The following TVP23C variants were observed in gnomAD, a reference collection of about 807,000 sequenced individuals.
The protein encoded by TVP23C is trans-golgi network vesicle protein 23 homolog C, also known as Golgi apparatus membrane protein TVP23 homolog C.
TVP23C carries 19 observed loss-of-function variants against 28.7 expected under a neutral mutation model. The observed-to-expected ratio is 0.66, with a 90% CI of 0.46 to 0.97. TVP23C has a LOEUF of 0.97. Among genes scored for constraint, TVP23C ranks in the 50% least tolerant of loss-of-function variants. The pLI is 0.00. For missense variants in TVP23C, 186 were observed against 241.3 expected, an observed-to-expected ratio of 0.77 and a Z score of 1.52; for synonymous variants, 68 against 81.7, an observed-to-expected ratio of 0.83 and a Z score of 0.90.
intron 4 of TVP23C, 24 bp from the exon 5 acceptor site, chr17:15,545,940 T>A (rs775443091): frequency 2.9e-5 from 46 of 1,590,144 alleles, no homozygotes; most frequent in Non-Finnish European, 3.7e-5. Flanking sequence ...TAAATTCAAT[T>A]ATCATGTTGT....
chr17:15,531,098 T>A, intron 5 of TVP23C: 1 of 152,248 alleles, frequency 6.6e-6, no homozygotes, highest in Non-Finnish European at 1.5e-5. Flanking sequence ...TGTTAAGTTT[T>A]TTTCTTTTAG....
At position 15,503,272 on chromosome 17, in the gene TVP23C, T is replaced by C. The variant is rs1307140833; in HGVS notation, c.463-40A>G. 4.1e-6 allele frequency: 6 copies of C among 1,448,420 alleles called. No homozygotes were observed. In the Admixed American group the frequency reaches 1.1e-4, roughly 26 times the overall value. The allele number at this position is 1,448,420 out of a possible 1,614,324, so 89.7% of individuals were successfully genotyped here. On this transcript the variant is annotated intron_variant, in intron 5 of 5. Coordinates refer to the TVP23C transcript ENST00000225576. ...ATAAAAATAAATTAGCCAGGTGTAG[T>C]GGCGCGCCTGTGGTTCCAGCTACTT... is the stretch of plus-strand genomic sequence containing the variant.
chr17:15,558,448 G>A (rs1984228118), intron 1 of TVP23C, among the ~76,000 whole-genome samples: 2 of 146,186 alleles, frequency 1.4e-5, no homozygotes, highest in South Asian at 2.3e-4. Context: ...CTGTGAATAT[G>A]TAAATTTACT....
chr17:15,549,900 T>C (rs1478967646), intron 3 of TVP23C, among the ~76,000 whole-genome samples: 1 of 151,444 alleles, frequency 6.6e-6, no homozygotes, highest in Non-Finnish European at 1.5e-5. Context: ...AGACCAAAAT[T>C]CCTATGGGAG....
intron 5 of TVP23C, among the ~76,000 whole-genome samples, chr17:15,529,379 G>A (rs1441313826): frequency 6.6e-6 from 1 of 152,048 alleles, no homozygotes; most frequent in Non-Finnish European, 1.5e-5. Flanking sequence ...TTGAACCTGG[G>A]AGCTGGGGGT....
At chr17:15,504,752 T>A (rs1283278159) in intron 5 of TVP23C, among the ~76,000 whole-genome samples, 3 of 152,088 alleles carry the variant, frequency 2.0e-5, no homozygotes, top group Non-Finnish European at 4.4e-5. Flanking sequence ...CCCAGCTTGG[T>A]CTCAAACCCC....
At chr17:15,558,906 C>T (rs140643299) in intron 1 of TVP23C, among the ~76,000 whole-genome samples, 1 of 147,312 alleles carries the variant, frequency 6.8e-6, no homozygotes, top group South Asian at 2.2e-4. Context: ...GGCTCTCGCC[C>T]AGGCTGGAGT....
At chr17:15,532,794 T>C (rs974496368), downstream of TVP23C, among the ~76,000 whole-genome samples, 1 of 152,234 alleles carries the variant, frequency 6.6e-6, no homozygotes, top group African/African-American at 2.4e-5. Flanking sequence ...AAGCAGCATC[T>C]ATAGGATTTC....
chr17:15,531,784 C>T (rs1597522968), intron 5 of TVP23C, among the ~76,000 whole-genome samples: 1 of 152,070 alleles, frequency 6.6e-6, no homozygotes, highest in Non-Finnish European at 1.5e-5. Context: ...TAAGTTTTTT[C>T]CCCCATATAT....
intron 5 of TVP23C, chr17:15,506,973 T>G: frequency 7.9e-7 from 1 of 1,262,830 alleles, no homozygotes; most frequent in Non-Finnish European, 1.1e-6. Flanking sequence ...CAGAAAACTT[T>G]CATGCTCTAA....
intron 5 of TVP23C, among the ~76,000 whole-genome samples, chr17:15,527,659 T>C (rs994504463): frequency 3.3e-5 from 5 of 152,204 alleles, no homozygotes; most frequent in Non-Finnish European, 7.3e-5. Flanking sequence ...CTTATGACTC[T>C]CAGCCTGCTG....
intron 5 of TVP23C, among the ~76,000 whole-genome samples, chr17:15,528,468 G>T (rs972112759): frequency 3.3e-5 from 5 of 152,034 alleles, no homozygotes; most frequent in African/African-American, 4.8e-5. Flanking sequence ...ATTATACTTT[G>T]TATGACTTCG....
At chr17:15,558,933 G>A (rs1984255253) in intron 1 of TVP23C, among the ~76,000 whole-genome samples, 1 of 147,384 alleles carries the variant, frequency 6.8e-6, no homozygotes, top group Non-Finnish European at 1.5e-5. Flanking sequence ...GAACAATCAG[G>A]GGTCACTACT....
At chr17:15,502,809 C>CTCTCTCCT in exon 6 of TVP23C, 14 of 1,415,100 alleles carry the variant, frequency 9.9e-6, no homozygotes, top group Middle Eastern at 2.3e-4. Context: ...TCCTCTCTCT[C>CTCTCTCCT]CTCTCTCTCT....
At position 15,502,867 on chromosome 17, in the gene TVP23C, A is replaced by G. The variant is rs537837958; in HGVS notation, c.828T>C (p.His276=). The change falls in exon 6 of 6, where the codon CAT becomes CAC. Residue 276 remains histidine (H), a synonymous_variant. Coordinates refer to the TVP23C transcript ENST00000225576. ...GCTTCAGATTTGTGGGTTGTTTTTA[A>G]TGCATTCCGGATGCCAGATGAAATT... The G allele has an allele frequency of 9.2e-5, 145 of 1,578,292 alleles. 1 individual carries two copies. The South Asian group carries it at 1.6e-3, about 18-fold the overall frequency.
chr17:15,536,052 T>C (rs1315320326), downstream of TVP23C, among the ~76,000 whole-genome samples: 1 of 151,840 alleles, frequency 6.6e-6, no homozygotes, highest in African/African-American at 2.4e-5. Context: ...ATTAGCCAGG[T>C]GTAGTGGCAG....
chr17:15,503,341 G>A lies in TVP23C; in HGVS notation c.463-109C>T, dbSNP rs1981574817. The A allele has an allele frequency of 3.8e-6, 5 of 1,327,640 alleles. No homozygotes were observed. The South Asian group carries it at 7.8e-5, about 21-fold the overall frequency. The allele number at this position is 1,327,640 out of a possible 1,614,324, so 82.2% of individuals were successfully genotyped here. A position where few individuals can be genotyped will look rare whatever the true frequency, so the allele number is the denominator to read the frequency against. On this transcript the variant is annotated intron_variant, in intron 5 of 5. Coordinates refer to the TVP23C transcript ENST00000225576. ...GATCGCTTCAGCCCAGGAAGTCGAA[G>A]CTGCAATGAGCTGTGACCACGCCAC...
intron 1 of TVP23C, among the ~76,000 whole-genome samples, chr17:15,557,242 G>A (rs895396299): frequency 6.8e-6 from 1 of 147,372 alleles, no homozygotes; most frequent in Non-Finnish European, 1.5e-5. Context: ...ACATCTACCC[G>A]CTCCTACCTC....
intron 5 of TVP23C, among the ~76,000 whole-genome samples, chr17:15,528,786 C>CG (rs1377829489): frequency 1.3e-5 from 2 of 151,118 alleles, no homozygotes; most frequent in Non-Finnish European, 2.9e-5. Context: ...TTAGCAGAGA[C>CG]GGGGTTTCTC....
Sources: allele counts gnomAD v4.1 joint callset (sites outside exome capture counted in the v4.1 genomes callset), GRCh38; gene constraint gnomAD v4.1.1; transcripts MANE v1.5; gene names NCBI Gene and HGNC (gene_info 2026-07-23, HGNC 2026-07-21).